Variants in UGT1A7 observed in about 807,000 individuals in gnomAD.
UGT1A7 encodes UDP glucuronosyltransferase family 1 member A7, also known as UDP-glucuronosyltransferase 1A7.
In UGT1A7, 33 loss-of-function variants were observed where a neutral mutation model predicts 45.6. That is an observed-to-expected ratio of 0.72 (90% CI 0.55 to 0.97). UGT1A7 has a LOEUF of 0.97. UGT1A7 is among the 50% of genes least tolerant of loss of function. UGT1A7 has a pLI of 0.00. For synonymous variants in UGT1A7, 274 were observed against 250.6 expected (o/e 1.09, Z -0.88); for missense variants, 684 against 666.2 (o/e 1.03, Z -0.29).
At chr2:233,747,175 C>G in intron 1 of UGT1A7, 1 of 1,599,222 alleles carries the variant, frequency 6.3e-7, no homozygotes, top group Non-Finnish European at 8.5e-7. Flanking sequence ...GGAGGCACAG[C>G]GTGGGGTGGA....
At chr2:233,692,901 G>C in intron 1 of UGT1A7, 1 of 1,544,142 alleles carries the variant, frequency 6.5e-7, no homozygotes, top group Non-Finnish European at 8.7e-7. Flanking sequence ...GAGGTAGACA[G>C]GACCTGTGAA....
intron 1 of UGT1A7, among the ~76,000 whole-genome samples, chr2:233,724,596 C>G (rs202203863): frequency 0.33 from 37,419 of 112,546 alleles, 7,358 homozygotes; most frequent in African/African-American, 0.51. Context: ...ACATCTCAGA[C>G]GATGGGCGGC....
Position 233,772,371 on chromosome 2 carries a change from C to T in UGT1A7, c.1405C>T (p.Pro469Ser), listed in dbSNP as rs377565834. Reference sequence around the variant, plus strand: ...GTTTGTGATGAGGCACAAGGGCGCGCCACACCTGCGCCCCGCAGCCCACGA... The same window carrying T: ...GTTTGTGATGAGGCACAAGGGCGCGTCACACCTGCGCCCCGCAGCCCACGA... ...VEFVMRHKGA[P>S]HLRPAAHDLT... Residue 469 changes from proline to serine, a missense_variant, in exon 5 of 5, where the codon CCA becomes TCA. Coordinates refer to ENST00000373426, the MANE Select transcript of UGT1A7 (RefSeq NM_019077.3). 8 of 1,614,242 alleles carry T rather than the reference C, an allele frequency of 5.0e-6. No individual in the cohort carries two copies. Among genetic ancestry groups the T allele is most frequent in the Non-Finnish European group, 6.8e-6 (8 of 1,180,046 alleles).
intron 1 of UGT1A7, among the ~76,000 whole-genome samples, chr2:233,683,434 TAAG>T (rs2074633803): frequency 6.6e-6 from 1 of 152,172 alleles, no homozygotes; most frequent in African/African-American, 2.4e-5. Flanking sequence ...TGAGCAATAA[TAAG>T]AATTCTTGTA....
intron 1 of UGT1A7, among the ~76,000 whole-genome samples, chr2:233,727,395 G>C (rs1447240084): frequency 2.6e-5 from 4 of 152,142 alleles, no homozygotes; most frequent in Non-Finnish European, 4.4e-5. Context: ...CGTCTTCCAA[G>C]ATACATGGGC....
intron 1 of UGT1A7, among the ~76,000 whole-genome samples, chr2:233,717,134 A>G (rs2076550846): frequency 6.6e-6 from 1 of 152,112 alleles, no homozygotes; most frequent in African/African-American, 2.4e-5. Context: ...ATAGAACACC[A>G]CTACATGGAA....
At chr2:233,691,242 A>G in intron 1 of UGT1A7, 2 of 985,500 alleles carry the variant, frequency 2.0e-6, no homozygotes, top group Non-Finnish European at 1.2e-6. Flanking sequence ...TGCTATCTAG[A>G]TGAACTCAAA....
chr2:233,772,420 C>T lies in UGT1A7; in HGVS notation c.1454C>T (p.Ser485Phe), dbSNP rs72551360. ...GACCTCACCTGGTACCAGTACCATT[C>T]CTTGGACGTGATTGGTTTCCTCTTG... ...AHDLTWYQYHSLDVIGFLLAV... is the reference protein window; with the variant it reads ...AHDLTWYQYHFLDVIGFLLAV... Residue 485 changes from serine (S) to phenylalanine (F), a missense_variant, in exon 5 of 5, where the codon TCC becomes TTC. By Grantham distance (155) the Ser-to-Phe change is radical. Coordinates refer to ENST00000373426, the MANE Select transcript of UGT1A7 (RefSeq NM_019077.3). The T allele has an allele frequency of 2.3e-5, 37 of 1,614,120 alleles. No homozygotes were observed. Among genetic ancestry groups the T allele is most frequent in the African/African-American group, 8.0e-5 (6 of 74,942 alleles).
At chr2:233,755,786 A>T (rs1696022077) in intron 1 of UGT1A7, 1 of 152,524 alleles carries the variant, frequency 6.6e-6, no homozygotes, top group Non-Finnish European at 1.5e-5. Flanking sequence ...TGCCTATCAT[A>T]TGTACTGCAT....
chr2:233,686,482 A>G (rs2074791293), intron 1 of UGT1A7, among the ~76,000 whole-genome samples: 1 of 152,024 alleles, frequency 6.6e-6, no homozygotes, highest in Non-Finnish European at 1.5e-5. Context: ...TTCCTATGAA[A>G]CTTTCTGAAC....
At chr2:233,727,355 C>A (rs1460228940) in intron 1 of UGT1A7, among the ~76,000 whole-genome samples, 2 of 152,284 alleles carry the variant, frequency 1.3e-5, no homozygotes, top group East Asian at 3.9e-4. Context: ...TTCTGCTATC[C>A]TTAGGGCCCC....
chr2:233,716,848 A>C (rs28898605), intron 1 of UGT1A7, among the ~76,000 whole-genome samples: 37 of 152,046 alleles, frequency 2.4e-4, no homozygotes, highest in African/African-American at 7.7e-4. Flanking sequence ...TTCAGCTACC[A>C]CATATGCTGA....
At chr2:233,737,893 C>T (rs954991944) in intron 1 of UGT1A7, among the ~76,000 whole-genome samples, 2 of 152,082 alleles carry the variant, frequency 1.3e-5, no homozygotes, top group African/African-American at 4.8e-5. Flanking sequence ...AGCTAATTTT[C>T]GAGTGTGGTA....
At position 233,733,533 on chromosome 2, in the gene UGT1A7, G is replaced by A. The variant is rs184573517; in HGVS notation, c.856-33501G>A. On this transcript the variant is annotated intron_variant, in intron 1 of 4. Coordinates refer to ENST00000373426, the MANE Select transcript of UGT1A7 (RefSeq NM_019077.3). ...TAGGCATGAAGGGATGTTTAATTTT[G>A]TTGAAGGCCTTTTCTGCATCTGTTG... 2.9e-3 allele frequency among the ~76,000 whole-genome samples: 440 copies of A among 152,268 alleles called. 3 individuals carry two copies. Among genetic ancestry groups the A allele is most frequent in the African/African-American group, 0.01 (417 of 41,554 alleles).
intron 1 of UGT1A7, among the ~76,000 whole-genome samples, chr2:233,726,819 C>T (rs181866502): frequency 3.3e-5 from 5 of 152,224 alleles, no homozygotes; most frequent in Admixed American, 6.5e-5. Context: ...TTCCTCTATT[C>T]GACCATTTAA....
chr2:233,687,584 A>T (rs1393957016), intron 1 of UGT1A7, among the ~76,000 whole-genome samples: 24 of 40,642 alleles, frequency 5.9e-4, no homozygotes, highest in Non-Finnish European at 7.9e-4. Flanking sequence ...CATTCTTTGT[A>T]AAAAAAAAAA....
In UGT1A7 at chr2:233,760,159, C is replaced by A. The variant is rs35071471; in HGVS notation, c.856-6875C>A. The A allele has an allele frequency of 1.9e-5, 29 of 1,504,618 alleles. No individual in the cohort carries two copies. In the East Asian group the frequency reaches 7.0e-4, roughly 36 times the overall value. 93.2% of individuals were successfully genotyped at this position (1,504,618 alleles called of 1,614,324 possible). A position where few individuals can be genotyped will look rare whatever the true frequency, so the allele number is the denominator to read the frequency against. On this transcript the variant is annotated intron_variant, in intron 1 of 4. Coordinates refer to ENST00000373426, the MANE Select transcript of UGT1A7 (RefSeq NM_019077.3). ...TCTCTGAAAGTGAACTCCCTGCTAC[C>A]TTTGTGGACTGACAGCTTTTTATAG...
chr2:233,710,513 G>A (rs1316837698), intron 1 of UGT1A7, among the ~76,000 whole-genome samples: 1 of 152,190 alleles, frequency 6.6e-6, no homozygotes, highest in Non-Finnish European at 1.5e-5. Context: ...TCTTATGACT[G>A]ATGATAATCT....
At chr2:233,755,683 G>C (rs1398080072) in intron 1 of UGT1A7, 1 of 157,220 alleles carries the variant, frequency 6.4e-6, no homozygotes, top group Non-Finnish European at 1.4e-5. Context: ...AGTGAGTTTA[G>C]TCTGACCGGG....
Sources: allele counts gnomAD v4.1 joint callset (sites outside exome capture counted in the v4.1 genomes callset), GRCh38; gene constraint gnomAD v4.1.1; transcripts MANE v1.5; gene names NCBI Gene and HGNC (gene_info 2026-07-23, HGNC 2026-07-21).